Variants in BRAF observed in about 807,000 individuals in gnomAD.
The protein encoded by BRAF is serine/threonine-protein kinase B-raf.
In BRAF, 16 loss-of-function variants were observed where a neutral mutation model predicts 104.6. The observed-to-expected ratio is 0.15, with a 90% CI of 0.10 to 0.23. The LOEUF is 0.23. Ranked by LOEUF, BRAF falls within the 10% of genes least tolerant of loss-of-function variation. The pLI is 1.00. For missense variants in BRAF, 541 were observed against 937.3 expected, an observed-to-expected ratio of 0.58 and a Z score of 5.52; for synonymous variants, 310 against 341.6, an observed-to-expected ratio of 0.91 and a Z score of 1.02.
chr7:140,826,672 C>T (rs754833554), intron 3 of BRAF, among the ~76,000 whole-genome samples: 2 of 152,168 alleles, frequency 1.3e-5, no homozygotes, highest in Non-Finnish European at 2.9e-5. Context: ...GTACCCTCTA[C>T]TGTGTATAAG....
At chr7:140,890,731 T>C (rs1374516297) in intron 1 of BRAF, among the ~76,000 whole-genome samples, 1 of 152,260 alleles carries the variant, frequency 6.6e-6, no homozygotes, top group Non-Finnish European at 1.5e-5. Flanking sequence ...CTGTACCTTC[T>C]GAAGTTCTCC....
At chr7:140,841,764 T>C (rs957240780) in intron 2 of BRAF, among the ~76,000 whole-genome samples, 1 of 152,122 alleles carries the variant, frequency 6.6e-6, no homozygotes, top group African/African-American at 2.4e-5. Flanking sequence ...GGGTTTCTTT[T>C]GGGGAGTGAT....
At chr7:140,872,942 A>ATTG (rs1290972925) in intron 1 of BRAF, among the ~76,000 whole-genome samples, 1 of 152,182 alleles carries the variant, frequency 6.6e-6, no homozygotes, top group Non-Finnish European at 1.5e-5. Context: ...CAAGAATCAG[A>ATTG]TTGTTGTATG....
At chr7:140,877,094 T>C (rs1263201646) in intron 1 of BRAF, among the ~76,000 whole-genome samples, 1 of 152,024 alleles carries the variant, frequency 6.6e-6, no homozygotes, top group African/African-American at 2.4e-5. Context: ...AGTAAAATAT[T>C]AGCATACAGA....
At chr7:140,812,859 T>C (rs1804433058) in intron 3 of BRAF, among the ~76,000 whole-genome samples, 1 of 152,166 alleles carries the variant, frequency 6.6e-6, no homozygotes, top group Admixed American at 6.6e-5. Flanking sequence ...CCATACTTCA[T>C]ATTGTATACC....
At chr7:140,853,947 A>C (rs1183492136) in intron 1 of BRAF, among the ~76,000 whole-genome samples, 2 of 152,134 alleles carry the variant, frequency 1.3e-5, no homozygotes, top group African/African-American at 4.8e-5. Context: ...GCATACAATA[A>C]GCAAACATAT....
At chr7:140,732,627 T>C (rs796368293) in intron 19 of BRAF, 19 of 152,318 alleles carry the variant, frequency 1.2e-4, no homozygotes, top group African/African-American at 4.6e-4. Flanking sequence ...CTACAGAGCT[T>C]AGCCACACCC....
At chr7:140,734,891 C>T (rs1420082663) in intron 18 of BRAF, 121 bp from the exon 18 acceptor site, 1 of 1,113,398 alleles carries the variant, frequency 9.0e-7, no homozygotes, top group African/African-American at 1.6e-5. Flanking sequence ...TTAAGAGTCC[C>T]ATCACACTTT....
intron 14 of BRAF, among the ~76,000 whole-genome samples, chr7:140,759,146 T>G (rs946338646): frequency 1.3e-5 from 2 of 152,240 alleles, no homozygotes; most frequent in African/African-American, 4.8e-5. Context: ...GTTCCTAGTT[T>G]GTGGCAAATA....
intron 1 of BRAF, among the ~76,000 whole-genome samples, chr7:140,896,723 G>A (rs538558229): frequency 3.4e-4 from 52 of 152,054 alleles, no homozygotes; most frequent in African/African-American, 1.2e-3. Context: ...AAAATAAGCC[G>A]GGCATGGTGG....
Position 140,878,759 on chromosome 7 carries a change from A to G in BRAF, c.139-28547T>C, listed in dbSNP as rs1812538909. Among the ~76,000 whole-genome samples the G allele has an allele frequency of 2.0e-5, 3 of 152,254 alleles. No individual in the cohort carries two copies. In the South Asian group the frequency reaches 6.2e-4, roughly 32 times the overall value. On this transcript the variant is annotated intron_variant, in intron 1 of 19. Transcript: ENST00000644969. ...AAGAGAACTGTAATGTTTCCAGCAC[A>G]AAGATAAATGTTTAAGGTGATGGGT...
In BRAF at chr7:140,791,139, A is replaced by C. The variant is rs1038834792; in HGVS notation, c.1140+3169T>G. 8.6e-5 allele frequency among the ~76,000 whole-genome samples: 13 copies of C among 151,824 alleles called. No homozygotes were observed. In the East Asian group the frequency reaches 2.3e-3, roughly 27 times the overall value. ...AAACAAAAACAAAACCCGAAAAACC[A>C]AAAAAAATTGTCCCTCAACCCTGAA... is the stretch of plus-strand genomic sequence containing the variant. On this transcript the variant is annotated intron_variant, in intron 8 of 19. Coordinates refer to ENST00000644969, the MANE Select transcript of BRAF (RefSeq NM_001374258.1).
At chr7:140,767,328 A>G (rs1263907839) in intron 14 of BRAF, among the ~76,000 whole-genome samples, 1 of 152,108 alleles carries the variant, frequency 6.6e-6, no homozygotes, top group Non-Finnish European at 1.5e-5. Context: ...AATAGGAGAA[A>G]ATTCAGTAGG....
intron 1 of BRAF, among the ~76,000 whole-genome samples, chr7:140,894,902 T>G (rs563386101): frequency 4.3e-4 from 66 of 152,322 alleles, no homozygotes; most frequent in Non-Finnish European, 3.4e-4. Context: ...CAGTGGTTAC[T>G]TAAAGCCTAA....
chr7:140,764,981 G>C (rs912532180), intron 14 of BRAF, among the ~76,000 whole-genome samples: 13 of 152,120 alleles, frequency 8.5e-5, no homozygotes, highest in Admixed American at 5.2e-4. Context: ...AAAAGAGCCC[G>C]CATCACCAAG....
chr7:140,868,009 C>T (rs1811166976), intron 1 of BRAF, among the ~76,000 whole-genome samples: 2 of 152,186 alleles, frequency 1.3e-5, no homozygotes, highest in South Asian at 2.1e-4. Flanking sequence ...CTCACCTGTG[C>T]CTTTCTATGA....
intron 1 of BRAF, among the ~76,000 whole-genome samples, chr7:140,871,656 G>A (rs778549615): frequency 6.6e-6 from 1 of 151,974 alleles, no homozygotes; most frequent in Non-Finnish European, 1.5e-5. Flanking sequence ...ATGAACTAAG[G>A]CATCAGAATT....
chr7:140,785,767 A>G lies in BRAF; in HGVS notation c.1219T>C (p.Ser407Pro). Residue 407 changes from serine to proline, a missense_variant, in exon 10 of 20, where the codon TCC (serine) becomes CCC (proline). Ser to Pro is a moderately conservative substitution (Grantham distance 74). Transcript: ENST00000644969. ...QLMRCLRKYQ[S>P]RTPSPLLHSV... Reference sequence around the variant, plus strand: ...TGTAGGAGGGGACTGGGAGTCCGGGATTGGTATTTCCGAAGACAGCGCATC... The same window carrying G: ...TGTAGGAGGGGACTGGGAGTCCGGGGTTGGTATTTCCGAAGACAGCGCATC... 5.0e-6 allele frequency: 2 copies of G among 399,040 alleles called. No homozygotes were observed. The highest frequency in any genetic ancestry group is 8.8e-6 in the Non-Finnish European group (2 of 226,074). 24.7% of individuals were successfully genotyped at this position (399,040 alleles called of 1,614,324 possible).
At chr7:140,882,544 ATTTTTGTAT>A (rs1161956512) in intron 1 of BRAF, among the ~76,000 whole-genome samples, 2 of 151,822 alleles carry the variant, frequency 1.3e-5, no homozygotes, top group East Asian at 3.9e-4. Context: ...CACCCAGCTA[ATTTTTGTAT>A]TTTTAGTAGA....
Sources: gnomAD v4.1 joint callset for allele counts (sites outside exome capture counted in the v4.1 genomes callset) on GRCh38, gnomAD v4.1.1 for gene constraint, MANE v1.5 for transcripts, NCBI Gene and HGNC (gene_info 2026-07-23, HGNC 2026-07-21) for gene names.